Variants in NTAN1 observed in about 807,000 individuals in gnomAD.
NTAN1 encodes the protein protein N-terminal asparagine amidohydrolase.
NTAN1 carries 32 observed loss-of-function variants against 41.9 expected under a neutral mutation model. The ratio of observed to expected loss-of-function variants is 0.76; its 90% CI spans 0.58 to 1.03. The LOEUF (loss-of-function observed/expected upper bound fraction) is 1.03, where lower values mean the gene tolerates loss of function less well. Among genes scored for constraint, NTAN1 ranks in the 50% least tolerant of loss-of-function variants. NTAN1 has a pLI of 0.00. For synonymous variants in NTAN1, 140 were observed against 139.5 expected (o/e 1.00, Z -0.03); for missense variants, 377 against 377.5 (o/e 1.00, Z 0.01).
intron 1 of NTAN1, among the ~76,000 whole-genome samples, chr16:15,052,179 T>C (rs1415735336): frequency 6.6e-6 from 1 of 152,242 alleles, no homozygotes; most frequent in Non-Finnish European, 1.5e-5. Flanking sequence ...TCAACTCTGC[T>C]GTTATTATGA....
intron 7 of NTAN1, 196 bp from the exon 8 acceptor site, chr16:15,040,262 G>A (rs909256852): frequency 3.0e-5 from 13 of 437,106 alleles, no homozygotes; most frequent in Non-Finnish European, 5.2e-5. Flanking sequence ...AAATCGCTGA[G>A]GCTCGAGCTG....
intron 1 of NTAN1, among the ~76,000 whole-genome samples, chr16:15,051,388 T>C (rs1292486037): frequency 3.3e-5 from 5 of 152,272 alleles, no homozygotes; most frequent in South Asian, 2.1e-4. Context: ...AGGGTCTTAC[T>C]GTCTCCCAGG....
At chr16:15,043,972 T>A (rs2043940903) in intron 5 of NTAN1, among the ~76,000 whole-genome samples, 1 of 151,648 alleles carries the variant, frequency 6.6e-6, no homozygotes, top group Admixed American at 6.6e-5. Context: ...AAAGAAAAAA[T>A]TTGCTAATAG....
intron 1 of NTAN1, among the ~76,000 whole-genome samples, chr16:15,050,758 A>G (rs2044262661): frequency 6.6e-6 from 1 of 152,136 alleles, no homozygotes; most frequent in South Asian, 2.1e-4. Context: ...AGATTAAACT[A>G]AAAGAAGAGA....
At chr16:15,042,607 G>A (rs1170750612) in intron 5 of NTAN1, among the ~76,000 whole-genome samples, 1 of 152,196 alleles carries the variant, frequency 6.6e-6, no homozygotes, top group Admixed American at 6.5e-5. Context: ...CAGATTTCCT[G>A]TTATAAGTAA....
At chr16:15,046,386 G>C (rs1041904617) in intron 4 of NTAN1, among the ~76,000 whole-genome samples, 2 of 152,184 alleles carry the variant, frequency 1.3e-5, no homozygotes, top group Non-Finnish European at 2.9e-5. Context: ...AGCAAGGAGA[G>C]GGGACAGGTG....
chr16:15,038,493 CT>C, intron 9 of NTAN1, 80 bp downstream of exon 9: 1 of 806,140 alleles, frequency 1.2e-6, no homozygotes, highest in Non-Finnish European at 2.1e-6. Flanking sequence ...CAGCTATGAC[CT>C]GGTCTAAACC....
intron 7 of NTAN1, chr16:15,040,450 C>T (rs35361371): frequency 6.7e-5 from 13 of 194,072 alleles, no homozygotes; most frequent in Non-Finnish European, 9.4e-5. Context: ...TATACATACA[C>T]GAAGTTACAG....
At chr16:15,042,718 CTATTTATTTATT>C (rs58123477) in intron 5 of NTAN1, among the ~76,000 whole-genome samples, 8,771 of 147,088 alleles carry the variant, frequency 0.06, 381 homozygotes, top group African/African-American at 0.12. Flanking sequence ...AAAGGATGAA[CTATTTATTTATT>C]TATTTATTTA....
rs902106682 is a variant in NTAN1 at position 15,055,920 on chromosome 16, C to T, written c.52G>A (p.Asp18Asn). 3.2e-6 allele frequency: 4 copies of T among 1,232,694 alleles called. No homozygotes were observed. The highest frequency in any genetic ancestry group is 3.0e-6 in the Non-Finnish European group (3 of 987,602). 76.4% of individuals were successfully genotyped at this position (1,232,694 alleles called of 1,614,324 possible). A position where few individuals can be genotyped will look rare whatever the true frequency, so the allele number is the denominator to read the frequency against. Residue 18 changes from aspartate (D) to asparagine (N), a missense_variant, in exon 1 of 10, where the codon GAC becomes AAC. Transcript: ENST00000287706. ...AAAGGCGGGTGGGCTCGGACGAGGT[C>T]CCCGGCTGACTGCGGCAGCCGCACT... Reference protein sequence around the residue: ...RRVRLPQSAGDLVRAHPPLEE... With the variant: ...RRVRLPQSAGNLVRAHPPLEE...
chr16:15,042,899 A>ATTT (rs1193801850), intron 5 of NTAN1, among the ~76,000 whole-genome samples: 5 of 121,510 alleles, frequency 4.1e-5, no homozygotes, highest in African/African-American at 9.3e-5. Context: ...TGCCCAGCTA[A>ATTT]TTTTTTTTTT....
intron 5 of NTAN1, 107 bp downstream of exon 5, chr16:15,044,227 T>C: frequency 1.4e-6 from 1 of 717,386 alleles, no homozygotes. Flanking sequence ...CTGCTCCAAG[T>C]GGGTGTGCCC....
At position 15,039,954 on chromosome 16, in the gene NTAN1, T is replaced by A. The variant is rs761967017; in HGVS notation, c.639+15A>T. ...TTTTTTTTTAACCCCTTAACAAAGATGATTTGAAACTCACTGGTCCTCCTG... is the reference window on the plus strand; with the variant it reads ...TTTTTTTTTAACCCCTTAACAAAGAAGATTTGAAACTCACTGGTCCTCCTG... On this transcript the variant is annotated intron_variant, in intron 8 of 9. Coordinates refer to ENST00000287706, the MANE Select transcript of NTAN1 (RefSeq NM_173474.4). 2.2e-5 allele frequency: 33 copies of A among 1,477,630 alleles called. No homozygotes were observed. Among genetic ancestry groups the A allele is most frequent in the Non-Finnish European group, 2.9e-5 (31 of 1,067,918 alleles). 91.5% of individuals were successfully genotyped at this position (1,477,630 alleles called of 1,614,324 possible).
chr16:15,048,107 AT>A lies in NTAN1; in HGVS notation c.82-9del, dbSNP rs1235653611. The A allele has an allele frequency of 6.4e-7, 1 of 1,551,458 alleles. No homozygotes were observed. The highest frequency in any genetic ancestry group is 8.8e-7 in the Non-Finnish European group (1 of 1,136,794). Reference sequence around the variant, plus strand: ...GAGAAGTCTGGCTCTTTCCTGTTTAATTAAAAAAAAAATAAAATAGTGATGT... The same window carrying A: ...GAGAAGTCTGGCTCTTTCCTGTTTAATAAAAAAAAAATAAAATAGTGATGT... On this transcript the variant is annotated splice_polypyrimidine_tract_variant and intron_variant, in intron 1 of 9. Transcript: ENST00000287706.
intron 8 of NTAN1, among the ~76,000 whole-genome samples, 157 bp from the exon 9 acceptor site, chr16:15,038,844 C>T (rs1411636938): frequency 1.3e-5 from 2 of 152,224 alleles, no homozygotes; most frequent in East Asian, 1.9e-4. Context: ...CTACTGAACA[C>T]GTCCAGTGTG....
chr16:15,040,814 T>C (rs1327658504), intron 7 of NTAN1, among the ~76,000 whole-genome samples: 1 of 152,102 alleles, frequency 6.6e-6, no homozygotes, highest in African/African-American at 2.4e-5. Flanking sequence ...AGGGTGGGCA[T>C]GGCCTGTCCT....
chr16:15,051,156 G>A (rs909530781), intron 1 of NTAN1, among the ~76,000 whole-genome samples: 6 of 152,222 alleles, frequency 3.9e-5, no homozygotes, highest in Non-Finnish European at 8.8e-5. Flanking sequence ...GCGCAAAGGC[G>A]AATTTTTAAC....
intron 5 of NTAN1, among the ~76,000 whole-genome samples, chr16:15,042,844 T>A (rs1263674261): frequency 6.6e-6 from 1 of 151,812 alleles, no homozygotes; most frequent in East Asian, 1.9e-4. Flanking sequence ...GCGATTCTCC[T>A]GCCTCAGCCT....
intron 8 of NTAN1, 110 bp from the exon 9 acceptor site, chr16:15,038,797 CT>C (rs1278396212): frequency 1.6e-6 from 1 of 623,434 alleles, no homozygotes; most frequent in East Asian, 2.8e-5. Flanking sequence ...TCTGCCTAAG[CT>C]TCTTAAAACC....
Sources: allele counts gnomAD v4.1 joint callset (sites outside exome capture counted in the v4.1 genomes callset), GRCh38; gene constraint gnomAD v4.1.1; transcripts MANE v1.5; gene names NCBI Gene and HGNC (gene_info 2026-07-23, HGNC 2026-07-21).